Variants in GPD2 observed in about 807,000 individuals in gnomAD.
The protein encoded by GPD2 is glycerol-3-phosphate dehydrogenase 2.
In GPD2, 54 loss-of-function variants were observed where a neutral mutation model predicts 82.4. The ratio of observed to expected loss-of-function variants is 0.66; its 90% confidence interval spans 0.53 to 0.82. GPD2 has a LOEUF of 0.82. Ranked by LOEUF, GPD2 falls within the 40% of genes least tolerant of loss-of-function variation. The probability of loss-of-function intolerance (pLI) is 0.00; values close to 1 mark genes in which losing one functional copy is unlikely to be tolerated. For missense variants in GPD2, 748 were observed against 896.2 expected, an observed-to-expected ratio of 0.83 and a Z score of 2.11; for synonymous variants, 288 against 306.1, an observed-to-expected ratio of 0.94 and a Z score of 0.62.
rs1380879951 is a variant in GPD2, at chr2:156,451,731, GCCGGGCGGGGGGCTGAC to G, written c.-9+15221_-9+15237del. Among the ~76,000 whole-genome samples the G allele has an allele frequency of 3.2e-3, 471 of 148,228 alleles. 10 individuals are homozygous for G. The highest frequency in any genetic ancestry group is 0.011 in the African/African-American group (452 of 40,366). Reference sequence around the variant, plus strand: ...ACCTCCCTCCCGGACGGGGCGGCTGGCCGGGCGGGGGGCTGACCCCCCCACCTCCCTCCCAGACAGGG... The same window carrying G: ...ACCTCCCTCCCGGACGGGGCGGCTGGCCCCCCACCTCCCTCCCAGACAGGG... On this transcript the variant is annotated intron_variant, in intron 1 of 16. Transcript: ENST00000438166.
chr2:156,415,610 C>G, the GPD2 span, among the ~76,000 whole-genome samples: 1 of 151,700 alleles, frequency 6.6e-6, no homozygotes, highest in African/African-American at 2.4e-5. Context: ...AATCCCAGCA[C>G]TTTGGGAGGC....
intron 6 of GPD2, among the ~76,000 whole-genome samples, chr2:156,532,856 G>T (rs902187764): frequency 2.0e-5 from 3 of 152,152 alleles, no homozygotes; most frequent in Non-Finnish European, 4.4e-5. Context: ...TCTAGTATTG[G>T]ACAGAATCAC....
upstream of GPD2, among the ~76,000 whole-genome samples, chr2:156,431,547 T>A (rs1688316996): frequency 6.6e-6 from 1 of 152,148 alleles, no homozygotes; most frequent in African/African-American, 2.4e-5. Flanking sequence ...AATTCCTAAA[T>A]TAATGATTAT....
At chr2:156,556,206 A>T (rs1175626276) in intron 8 of GPD2, among the ~76,000 whole-genome samples, 1 of 152,182 alleles carries the variant, frequency 6.6e-6, no homozygotes, top group Non-Finnish European at 1.5e-5. Context: ...TTTTTGTGTA[A>T]GAGGAGTTTC....
the GPD2 span, among the ~76,000 whole-genome samples, chr2:156,421,335 A>G: frequency 6.6e-6 from 1 of 152,314 alleles, no homozygotes; most frequent in East Asian, 1.9e-4. Context: ...TAATCATTGC[A>G]TGTTATTTTT....
chr2:156,458,326 C>A (rs903518925), intron 1 of GPD2, among the ~76,000 whole-genome samples: 4 of 152,184 alleles, frequency 2.6e-5, no homozygotes, highest in Middle Eastern at 6.8e-3. Context: ...TGGGAAACAC[C>A]CAATTCCAGG....
At chr2:156,514,421 G>A (rs890855405) in intron 6 of GPD2, among the ~76,000 whole-genome samples, 10 of 150,358 alleles carry the variant, frequency 6.7e-5, no homozygotes, top group East Asian at 5.8e-4. Context: ...CCCCACCCCC[G>A]TTGTATTATC....
At chr2:156,451,935 G>A (rs1682615695) in intron 1 of GPD2, among the ~76,000 whole-genome samples, 1 of 150,528 alleles carries the variant, frequency 6.6e-6, no homozygotes, top group Non-Finnish European at 1.5e-5. Flanking sequence ...CCGGGCAGAG[G>A]CGCTCCTCAC....
At chr2:156,551,251 TAAC>T (rs1352751087) in intron 8 of GPD2, among the ~76,000 whole-genome samples, 5 of 152,076 alleles carry the variant, frequency 3.3e-5, no homozygotes, top group African/African-American at 1.2e-4. Flanking sequence ...TCTATCAAAT[TAAC>T]AAAGATAATT....
intron 2 of GPD2, among the ~76,000 whole-genome samples, chr2:156,479,224 A>C (rs71419096): frequency 0.022 from 3,327 of 152,342 alleles, 51 homozygotes; most frequent in Middle Eastern, 0.048. Context: ...ATATTCTTTA[A>C]AAATTAATTA....
intron 9 of GPD2, 83 bp from the exon 10 acceptor site, chr2:156,568,742 G>A (rs1288577630): frequency 3.7e-5 from 46 of 1,243,476 alleles, no homozygotes; most frequent in East Asian, 7.2e-5. Flanking sequence ...TCCTGTCACC[G>A]AACTCTTTTT....
intron 6 of GPD2, among the ~76,000 whole-genome samples, chr2:156,532,770 G>C (rs1048515004): frequency 2.6e-5 from 4 of 152,204 alleles, no homozygotes; most frequent in Admixed American, 6.5e-5. Context: ...ACATTGGGTA[G>C]TAGAGGGCTT....
the GPD2 span, among the ~76,000 whole-genome samples, chr2:156,428,608 C>T: frequency 1.3e-5 from 2 of 152,180 alleles, no homozygotes; most frequent in Non-Finnish European, 2.9e-5. Context: ...AGCAGTTAGG[C>T]AGGAAGGGAA....
intron 13 of GPD2, among the ~76,000 whole-genome samples, chr2:156,577,116 G>T (rs1376198154): frequency 6.6e-6 from 1 of 152,090 alleles, no homozygotes; most frequent in African/African-American, 2.4e-5. Flanking sequence ...TGTTATTTAA[G>T]AACATGAAGG....
intron 16 of GPD2, among the ~76,000 whole-genome samples, chr2:156,581,935 C>CAT (rs757563999): frequency 1.7e-4 from 25 of 150,400 alleles, no homozygotes; most frequent in East Asian, 5.8e-4. Context: ...ATAGATACAT[C>CAT]ATATATATAT....
chr2:156,447,267 T>C (rs1682399156), intron 1 of GPD2, among the ~76,000 whole-genome samples: 1 of 152,232 alleles, frequency 6.6e-6, no homozygotes, highest in African/African-American at 2.4e-5. Context: ...GTGCATTATT[T>C]TTCTACTTCT....
Position 156,549,523 on chromosome 2 carries a change from CAT to C in GPD2, c.662-82_662-81del, listed in dbSNP as rs997722976. On this transcript the variant is annotated intron_variant, in intron 6 of 16. Coordinates refer to ENST00000438166, the MANE Select transcript of GPD2 (RefSeq NM_000408.5). Reference sequence around the variant, plus strand: ...TCCTGGGTGACAGGGACAGATGTGACATATCTGTTGTGACACACTTTTGTACC... The same window carrying C: ...TCCTGGGTGACAGGGACAGATGTGACATCTGTTGTGACACACTTTTGTACC... The C allele has an allele frequency of 7.8e-6, 9 of 1,152,736 alleles. No homozygotes were observed. The Admixed American group carries it at 1.5e-4, about 19-fold the overall frequency. 71.4% of individuals were successfully genotyped at this position (1,152,736 alleles called of 1,614,324 possible).
the GPD2 span, among the ~76,000 whole-genome samples, chr2:156,402,895 G>T: frequency 6.6e-6 from 1 of 151,812 alleles, no homozygotes; most frequent in Non-Finnish European, 1.5e-5. Flanking sequence ...TTAGTTCAGG[G>T]CTTCTCAAAG....
intron 1 of GPD2, among the ~76,000 whole-genome samples, chr2:156,454,015 G>T (rs548616706): frequency 1.1e-4 from 17 of 152,330 alleles, no homozygotes; most frequent in African/African-American, 3.8e-4. Context: ...AGGGATAATG[G>T]GTGGTAAAGT....
Sources: gnomAD v4.1 joint callset for allele counts (sites outside exome capture counted in the v4.1 genomes callset) on GRCh38, gnomAD v4.1.1 for gene constraint, MANE v1.5 for transcripts, NCBI Gene and HGNC (gene_info 2026-07-23, HGNC 2026-07-21) for gene names.